The following WNK2 variants were observed in gnomAD, a reference collection of about 807,000 sequenced individuals.
WNK2 encodes the protein serine/threonine-protein kinase WNK2.
A neutral mutation model predicts 192.1 loss-of-function variants in WNK2; 67 were observed. The ratio of observed to expected loss-of-function variants is 0.35; its 90% CI spans 0.29 to 0.43. The LOEUF is 0.43. Among genes scored for constraint, WNK2 ranks in the 20% least tolerant of loss-of-function variants. The pLI, the probability that WNK2 is intolerant of heterozygous loss-of-function variation, is 1.00. For missense variants in WNK2, 2,698 were observed against 3,089.7 expected (o/e 0.87, Z 3.01); for synonymous variants, 1,439 against 1,393.9 (o/e 1.03, Z -0.72).
chr9:93,259,210 G>C lies in WNK2; in HGVS notation c.2662G>C (p.Ala888Pro), dbSNP rs1180636893. 2.5e-6 allele frequency: 4 copies of C among 1,612,970 alleles called. No individual in the cohort carries two copies. Among genetic ancestry groups the C allele is most frequent in the Non-Finnish European group, 2.5e-6 (3 of 1,179,762 alleles). Residue 888 changes from alanine (A) to proline (P), a missense_variant, in exon 12 of 30, where the codon GCC becomes CCC. Transcript: ENST00000427277. This position sits in a 1 kb window ranked among gnomAD's most constrained non-coding sequence, Gnocchi z 4.8. ...TGCACCGGCCACTATCCCCCTGCTGGCCGTAGCCCCACCGGGCGTGGCTGC... is the reference window on the plus strand; with the variant it reads ...TGCACCGGCCACTATCCCCCTGCTGCCCGTAGCCCCACCGGGCGTGGCTGC... ...PNAPATIPLL[A>P]VAPPGVAALS...
chr9:93,255,013 C>T (rs1044855462), intron 9 of WNK2, among the ~76,000 whole-genome samples: 7 of 152,110 alleles, frequency 4.6e-5, no homozygotes, highest in African/African-American at 1.7e-4. Context: ...TCTCCTGTGG[C>T]CTTGGTGATG....
At chr9:93,313,383 A>T (rs1281742522) in intron 28 of WNK2, among the ~76,000 whole-genome samples, 2 of 143,626 alleles carry the variant, frequency 1.4e-5, no homozygotes, top group South Asian at 2.2e-4. Context: ...TTTTAACCGT[A>T]TCTCCTGTAT....
In WNK2 at chr9:93,239,857, G is replaced by A. The variant is rs1478970790; in HGVS notation, c.1423G>A (p.Ala475Thr). 6.2e-7 allele frequency: 1 copy of A among 1,602,104 alleles called. No homozygotes were observed. Among genetic ancestry groups the A allele is most frequent in the Non-Finnish European group, 8.5e-7 (1 of 1,174,786 alleles). Residue 475 changes from alanine to threonine, a missense_variant, in exon 7 of 30, where the codon GCC becomes ACC. This residue lies in a region of WNK2 where 230 missense variants were observed against 501.1 expected (regional missense o/e 0.46). Coordinates refer to ENST00000427277, the MANE Select transcript of WNK2 (RefSeq NM_006648.4). This position sits in a 1 kb window ranked among gnomAD's most constrained non-coding sequence, Gnocchi z 4.2. ...GGACCACGGCAGGAAGTCCACCATC[G>A]CCCTGAGGCTCTGGGTGGAAGACCC... ...EEDHGRKSTI[A>T]LRLWVEDPKK...
chr9:93,241,232 G>A (rs1182305037), intron 7 of WNK2, among the ~76,000 whole-genome samples: 1 of 152,218 alleles, frequency 6.6e-6, no homozygotes, highest in African/African-American at 2.4e-5. Flanking sequence ...TGATACGAAG[G>A]ACAGGAATGT....
At chr9:93,266,161 G>A (rs979173381) in intron 16 of WNK2, among the ~76,000 whole-genome samples, 2 of 152,172 alleles carry the variant, frequency 1.3e-5, no homozygotes, top group Non-Finnish European at 2.9e-5. Flanking sequence ...GGGTGGGTGT[G>A]TGGCCTGTGG....
intron 2 of WNK2, among the ~76,000 whole-genome samples, chr9:93,198,811 C>T (rs1831780447): frequency 1.3e-5 from 2 of 152,216 alleles, no homozygotes; most frequent in Admixed American, 1.3e-4. Flanking sequence ...CAGCTCTGGC[C>T]CTGCTGCCCC....
intron 2 of WNK2, among the ~76,000 whole-genome samples, chr9:93,199,379 C>G (rs1831910839): frequency 6.6e-6 from 1 of 152,172 alleles, no homozygotes; most frequent in Non-Finnish European, 1.5e-5. Context: ...CTCTAGGCTA[C>G]CTTCCTCCAC....
At chr9:93,245,817 C>T (rs1457491513) in intron 7 of WNK2, among the ~76,000 whole-genome samples, 1 of 152,192 alleles carries the variant, frequency 6.6e-6, no homozygotes, top group Non-Finnish European at 1.5e-5. Flanking sequence ...GGATCAGGTG[C>T]CTTGGCTCAG....
chr9:93,213,657 C>T (rs1003185450), intron 2 of WNK2, among the ~76,000 whole-genome samples: 2 of 152,066 alleles, frequency 1.3e-5, no homozygotes, highest in African/African-American at 2.4e-5. Context: ...GGCATGGTGG[C>T]GCATGCCTGT....
rs2133878870 is a variant in WNK2 at position 93,292,640 on chromosome 9, T to C, written c.5175T>C (p.Ala1725=). 1.9e-6 allele frequency: 3 copies of C among 1,584,220 alleles called. No individual in the cohort carries two copies. The highest frequency in any genetic ancestry group is 2.6e-6 in the Non-Finnish European group (3 of 1,166,074). ...ASHPQTLGAR[A]LGSPRKRPEQ... ...ACCCCCAGACACTCGGCGCTCGAGCTTTGGGGTCCCCTCGGAAACGTCCAG... is the reference window on the plus strand; with the variant it reads ...ACCCCCAGACACTCGGCGCTCGAGCCTTGGGGTCCCCTCGGAAACGTCCAG... Residue 1725 remains alanine (A), a synonymous_variant, in exon 23 of 30, where the codon GCT becomes GCC. Coordinates refer to ENST00000427277, the MANE Select transcript of WNK2 (RefSeq NM_006648.4).
Position 93,259,172 on chromosome 9 carries a change from C to G in WNK2, c.2624C>G (p.Thr875Ser). The G allele has an allele frequency of 6.2e-7, 1 of 1,612,628 alleles. No individual in the cohort carries two copies. ...PGAPLAMPCR[T>S]IVPNAPATIP... ...GCGCCCCTGGCCATGCCCTGCCGGA[C>G]CATTGTGCCAAATGCACCGGCCACT... Residue 875 changes from threonine to serine, a missense_variant, in exon 12 of 30, where the codon ACC (threonine) becomes AGC (serine). By Grantham distance (58) the Thr-to-Ser change is moderately conservative (BLOSUM62 1). This residue lies in a region of WNK2 where 893 missense variants were observed against 909.0 expected (regional missense o/e 0.98). Coordinates refer to ENST00000427277, the MANE Select transcript of WNK2 (RefSeq NM_006648.4). The surrounding 1 kb of genome is among the most constrained non-coding windows in gnomAD (Gnocchi z 4.8).
At chr9:93,242,246 G>T (rs76974028) in intron 7 of WNK2, among the ~76,000 whole-genome samples, 2 of 152,134 alleles carry the variant, frequency 1.3e-5, no homozygotes, top group African/African-American at 2.4e-5. Flanking sequence ...CACTATCACC[G>T]CAGATGCTGC....
chr9:93,289,050 G>A lies in WNK2; in HGVS notation c.4296G>A (p.Thr1432=), dbSNP rs150719577. The change falls in exon 20 of 30, where the codon ACG becomes ACA. Residue 1432 remains threonine (T), a synonymous_variant. Coordinates refer to ENST00000427277, the MANE Select transcript of WNK2 (RefSeq NM_006648.4). The stretch of plus-strand genomic sequence containing the variant: ...AGGGGCTGACCAGTGAGCTCGAGAC[G>A]TCTCAGCCACTAGCGGAGACTCACG... The part of the protein sequence containing the change: ...TPQGLTSELE[T]SQPLAETHEA... 2.4e-5 allele frequency: 39 copies of A among 1,605,364 alleles called. No homozygotes were observed. The highest frequency in any genetic ancestry group is 1.2e-4 in the Admixed American group (7 of 59,110).
intron 2 of WNK2, among the ~76,000 whole-genome samples, chr9:93,221,944 A>T (rs1045583615): frequency 6.6e-6 from 1 of 152,220 alleles, no homozygotes; most frequent in African/African-American, 2.4e-5. Context: ...ACATTTTTAA[A>T]AAGTCAGTAT....
Position 93,203,066 on chromosome 9 carries a change from C to T in WNK2, c.681+17456C>T, listed in dbSNP as rs538807358. On this transcript the variant is annotated intron_variant, in intron 2 of 29. Coordinates refer to ENST00000427277, the MANE Select transcript of WNK2 (RefSeq NM_006648.4). ...GGGGCATGGGATGCTCAGAGCCCCA[C>T]AGGCCTTGTGGGGTGGGGCAGTGAT... 3.5e-4 allele frequency among the ~76,000 whole-genome samples: 52 copies of T among 150,544 alleles called. No homozygotes were observed. In the South Asian group the frequency reaches 4.7e-3, roughly 13 times the overall value.
chr9:93,256,841 C>T (rs1843383426), intron 10 of WNK2, 107 bp from the exon 11 acceptor site: 9 of 1,016,886 alleles, frequency 8.9e-6, no homozygotes, highest in South Asian at 6.5e-5. Flanking sequence ...TGAGCATGTG[C>T]GTGTGCATGT....
chr9:93,273,379 C>T (rs1488381295), intron 19 of WNK2, among the ~76,000 whole-genome samples: 1 of 152,202 alleles, frequency 6.6e-6, no homozygotes, highest in African/African-American at 2.4e-5. Context: ...ATGGTCTCGA[C>T]TCTTGACCTC....
intron 12 of WNK2, among the ~76,000 whole-genome samples, chr9:93,261,317 T>C (rs1362726556): frequency 6.6e-6 from 1 of 152,186 alleles, no homozygotes; most frequent in Admixed American, 6.5e-5. Flanking sequence ...TCCCCACTTG[T>C]CTTACCTTTT....
chr9:93,294,402 C>T (rs1339183025), intron 23 of WNK2, among the ~76,000 whole-genome samples: 1 of 152,190 alleles, frequency 6.6e-6, no homozygotes, highest in Non-Finnish European at 1.5e-5. Context: ...CCACATGGCC[C>T]AACAGATCCT....
Sources: allele counts gnomAD v4.1 joint callset (sites outside exome capture counted in the v4.1 genomes callset), GRCh38; gene constraint gnomAD v4.1.1; regional missense constraint gnomAD v4.1.1; non-coding constraint Gnocchi (gnomAD v3.1); transcripts MANE v1.5; gene names NCBI Gene and HGNC (gene_info 2026-07-23, HGNC 2026-07-21).